Variants in VWA8 observed in about 807,000 individuals in gnomAD.
The protein encoded by VWA8 is von Willebrand factor A domain-containing protein 8.
VWA8 carries 221 observed loss-of-function variants against 241.5 expected under a neutral mutation model. That is an observed-to-expected ratio of 0.91 (90% confidence interval 0.82 to 1.02). The LOEUF is 1.02. Among genes scored for constraint, VWA8 ranks in the 50% least tolerant of loss-of-function variants. The pLI is 0.00. For missense variants in VWA8, 2,322 were observed against 2,328.7 expected (o/e 1.00, Z 0.06); for synonymous variants, 852 against 827.1 (o/e 1.03, Z -0.52).
intron 21 of VWA8, among the ~76,000 whole-genome samples, chr13:41,748,205 T>C (rs2045625153): frequency 6.6e-6 from 1 of 152,206 alleles, no homozygotes; most frequent in African/African-American, 2.4e-5. Context: ...CTGGTAGAAT[T>C]TGGCTGTGAA....
chr13:41,841,475 C>A (rs1370992951), intron 12 of VWA8, among the ~76,000 whole-genome samples: 5 of 151,976 alleles, frequency 3.3e-5, no homozygotes, highest in Admixed American at 3.3e-4. Context: ...ATTCTTCATT[C>A]TCATTTCTGA....
chr13:41,937,621 T>C (rs892679101), intron 2 of VWA8, among the ~76,000 whole-genome samples: 2 of 152,170 alleles, frequency 1.3e-5, no homozygotes, highest in Non-Finnish European at 2.9e-5. Flanking sequence ...TTGTTTCTAA[T>C]AGGCCACAGA....
chr13:41,808,009 G>C (rs1237018887), intron 17 of VWA8: 2 of 151,884 alleles, frequency 1.3e-5, no homozygotes, highest in Non-Finnish European at 2.9e-5. Flanking sequence ...TAAAGGGACA[G>C]AAAAAAATAT....
chr13:41,701,014 C>T (rs867985745), intron 28 of VWA8, among the ~76,000 whole-genome samples: 1 of 152,214 alleles, frequency 6.6e-6, no homozygotes, highest in African/African-American at 2.4e-5. Flanking sequence ...AGTTTAATGA[C>T]TGCAAATCAC....
rs139178845 is a variant in VWA8, at chr13:41,726,981, C to T, written c.2758+213G>A. On this transcript the variant is annotated intron_variant, in intron 24 of 44. Transcript: ENST00000379310. ...CTGCACTCCAGTCTGGGTGACAGAG[C>T]GAGACTCCATCTCGGAAAAAAACAA... Among the ~76,000 whole-genome samples, 103 of 152,038 alleles carry T rather than the reference C, an allele frequency of 6.8e-4. 1 individual carries two copies. Among genetic ancestry groups the T allele is most frequent in the African/African-American group, 2.2e-3 (93 of 41,448 alleles).
intron 35 of VWA8, among the ~76,000 whole-genome samples, chr13:41,680,057 A>G (rs1032816799): frequency 2.0e-5 from 3 of 151,818 alleles, no homozygotes; most frequent in African/African-American, 7.3e-5. Flanking sequence ...CCCCCCAAAC[A>G]TTCATATAAT....
At chr13:41,673,900 C>T (rs201181481) in intron 36 of VWA8, among the ~76,000 whole-genome samples, 3 of 151,940 alleles carry the variant, frequency 2.0e-5, no homozygotes, top group South Asian at 2.1e-4. Flanking sequence ...AAGAGAAAAA[C>T]GCTGAAATAA....
At position 41,770,421 on chromosome 13, in the gene VWA8, A is replaced by G. The variant is rs2045812024; in HGVS notation, c.2349+7564T>C. Among the ~76,000 whole-genome samples the G allele has an allele frequency of 2.7e-5, 4 of 148,702 alleles. No individual in the cohort carries two copies. In the South Asian group the frequency reaches 8.7e-4, roughly 32 times the overall value. Reference sequence around the variant, plus strand: ...GCGCCACTGCACTACAGCCTGGGCGACAGAGCGAGACTCCGTTTCAAAAAA... The same window carrying G: ...GCGCCACTGCACTACAGCCTGGGCGGCAGAGCGAGACTCCGTTTCAAAAAA... On this transcript the variant is annotated intron_variant, in intron 20 of 44. Coordinates refer to ENST00000379310, the MANE Select transcript of VWA8 (RefSeq NM_015058.2).
At chr13:41,753,305 A>C (rs2045669821) in intron 21 of VWA8, among the ~76,000 whole-genome samples, 1 of 152,040 alleles carries the variant, frequency 6.6e-6, no homozygotes, top group Admixed American at 6.6e-5. Flanking sequence ...ATGAAAAAAA[A>C]CTCTGGCAGT....
intron 37 of VWA8, among the ~76,000 whole-genome samples, chr13:41,649,530 C>A (rs1205097198): frequency 6.7e-6 from 1 of 150,140 alleles, no homozygotes; most frequent in African/African-American, 2.5e-5. Flanking sequence ...AGTTTTACTT[C>A]GTGTTTCTTT....
intron 26 of VWA8, among the ~76,000 whole-genome samples, chr13:41,711,955 T>A (rs1031100869): frequency 3.1e-4 from 47 of 151,546 alleles, no homozygotes; most frequent in Non-Finnish European, 8.8e-5. Context: ...TTTTTTTTTT[T>A]AAAGCAAAAG....
intron 40 of VWA8, among the ~76,000 whole-genome samples, chr13:41,594,691 A>T (rs1296303864): frequency 6.6e-6 from 1 of 152,160 alleles, no homozygotes; most frequent in Non-Finnish European, 1.5e-5. Context: ...CAGCTCACGG[A>T]ATTATTTCCA....
intron 2 of VWA8, among the ~76,000 whole-genome samples, chr13:41,920,022 C>A (rs1197807769): frequency 2.0e-5 from 3 of 152,160 alleles, no homozygotes; most frequent in African/African-American, 4.8e-5. Context: ...GCCCCACCTC[C>A]CGAGGCAGTA....
intron 12 of VWA8, among the ~76,000 whole-genome samples, chr13:41,840,703 G>A (rs1280714659): frequency 1.3e-5 from 2 of 150,956 alleles, no homozygotes; most frequent in Non-Finnish European, 2.9e-5. Flanking sequence ...AGGCTGCAGT[G>A]AGCCAAGATT....
rs771638846 is a variant in VWA8 at position 41,863,421 on chromosome 13, GTGTGTGTGTGTGTA to G, written c.1425+2301_1425+2314del. On this transcript the variant is annotated intron_variant, in intron 12 of 44. Coordinates refer to ENST00000379310, the MANE Select transcript of VWA8 (RefSeq NM_015058.2). The stretch of plus-strand genomic sequence containing the variant: ...TGTGTGTGTGTGTGTGTGTGTGTGT[GTGTGTGTGTGTGTA>G]TATATATATATATATATATTCACAC... Among the ~76,000 whole-genome samples the G allele has an allele frequency of 9.4e-3, 625 of 66,596 alleles. 11 individuals carry two copies. Among genetic ancestry groups the G allele is most frequent in the East Asian group, 0.026 (63 of 2,416 alleles). 43.7% of individuals were successfully genotyped at this position (66,596 alleles called of 152,430 possible). A position where few individuals can be genotyped will look rare whatever the true frequency, so the allele number is the denominator to read the frequency against.
chr13:41,879,877 A>C (rs943623312), intron 9 of VWA8, among the ~76,000 whole-genome samples: 2 of 152,184 alleles, frequency 1.3e-5, no homozygotes, highest in Admixed American at 1.3e-4. Context: ...AAAGCCATAC[A>C]GCTTAGTGGT....
intron 43 of VWA8, among the ~76,000 whole-genome samples, chr13:41,573,507 A>ATATATATATATATATATATC (rs2044327518): frequency 7.2e-6 from 1 of 139,482 alleles, no homozygotes; most frequent in African/African-American, 2.8e-5. Context: ...ATATATATAT[A>ATATATATATATATATATATC]CCTCTCTCTA....
intron 18 of VWA8, among the ~76,000 whole-genome samples, chr13:41,784,723 TATATATAC>T (rs1361216713): frequency 1.1e-4 from 8 of 72,900 alleles, no homozygotes; most frequent in African/African-American, 3.0e-4. Context: ...TATATATATA[TATATATAC>T]ACACACATAT....
At chr13:41,694,416 A>T (rs1254885489) in intron 29 of VWA8, among the ~76,000 whole-genome samples, 1 of 152,066 alleles carries the variant, frequency 6.6e-6, no homozygotes, top group Non-Finnish European at 1.5e-5. Flanking sequence ...AGAATGTATC[A>T]TTCTGTATAA....
Sources: gnomAD v4.1 joint callset for allele counts (sites outside exome capture counted in the v4.1 genomes callset) on GRCh38, gnomAD v4.1.1 for gene constraint, MANE v1.5 for transcripts, NCBI Gene and HGNC (gene_info 2026-07-23, HGNC 2026-07-21) for gene names.